Variants in NRXN3 observed in about 807,000 individuals in gnomAD.
NRXN3 encodes the protein neurexin III.
A neutral mutation model predicts 137.6 loss-of-function variants in NRXN3; 32 were observed. The observed-to-expected ratio is 0.23, with a 90% CI of 0.18 to 0.31. NRXN3 has a LOEUF of 0.31. Ranked by LOEUF, NRXN3 falls within the 10% of genes least tolerant of loss-of-function variation. The pLI is 1.00. For missense variants in NRXN3, 1,574 were observed against 2,062.5 expected (o/e 0.76, Z 4.59); for synonymous variants, 798 against 784.5 (o/e 1.02, Z -0.29).
chr14:78,271,177 A>G (rs189674093), intron 2 of NRXN3, among the ~76,000 whole-genome samples: 1 of 152,360 alleles, frequency 6.6e-6, no homozygotes, highest in Admixed American at 6.5e-5. Context: ...TTTAACATGT[A>G]TAGAACTGCT....
At chr14:78,807,144 G>C (rs1290602088) in intron 9 of NRXN3, among the ~76,000 whole-genome samples, 2 of 152,142 alleles carry the variant, frequency 1.3e-5, no homozygotes, top group South Asian at 4.1e-4. Context: ...AACACACACA[G>C]AGAGAATCTC....
chr14:78,369,137 C>T (rs75292402), intron 4 of NRXN3, among the ~76,000 whole-genome samples: 3 of 152,234 alleles, frequency 2.0e-5, no homozygotes, highest in East Asian at 3.9e-4. Flanking sequence ...CTAAGGTTTA[C>T]TCTATGAACC....
chr14:79,122,218 G>A (rs1297937601), intron 15 of NRXN3, among the ~76,000 whole-genome samples: 1 of 152,164 alleles, frequency 6.6e-6, no homozygotes, highest in African/African-American at 2.4e-5. Flanking sequence ...CCAGGGGCTT[G>A]GGGCACTGGT....
rs546825901 is a variant in NRXN3 at position 79,460,524 on chromosome 14, T to G, written c.3263-6697T>G. The stretch of plus-strand genomic sequence containing the variant: ...CTCTGCACACCAATTTGAGTTCCCA[T>G]GTTATCAAACAGATTTAATGCTAAA... On this transcript the variant is annotated intron_variant, in intron 15 of 20. Coordinates refer to ENST00000335750, the MANE Select transcript of NRXN3 (RefSeq NM_001330195.2). Among the ~76,000 whole-genome samples, 56 of 152,290 alleles carry G rather than the reference T, an allele frequency of 3.7e-4. No homozygotes were observed. The South Asian group carries it at 0.012, about 32-fold the overall frequency.
intron 15 of NRXN3, among the ~76,000 whole-genome samples, chr14:79,206,782 C>T (rs904130726): frequency 2.0e-5 from 3 of 151,960 alleles, no homozygotes; most frequent in African/African-American, 7.3e-5. Context: ...TTTAATTAAT[C>T]TTAATAGGCA....
Position 78,170,600 on chromosome 14 carries a change from T to A in NRXN3, c.-778T>A, listed in dbSNP as rs1259930323. 6.6e-6 allele frequency: 1 copy of A among 152,180 alleles called. No homozygotes were observed. Among genetic ancestry groups the A allele is most frequent in the African/African-American group, 2.4e-5 (1 of 41,416 alleles). The allele number at this position is 152,180 out of a possible 1,614,324, so 9.4% of individuals were successfully genotyped here. On this transcript the variant is annotated 5_prime_UTR_variant, in exon 1 of 21. Coordinates refer to ENST00000335750, the MANE Select transcript of NRXN3 (RefSeq NM_001330195.2). The stretch of plus-strand genomic sequence containing the variant: ...TTTGAACCTACCCAAAGAGGAAACA[T>A]ACCCAGCAAACTCAGTTGATTAAAC...
intron 15 of NRXN3, among the ~76,000 whole-genome samples, chr14:79,208,660 A>T (rs2153224185): frequency 6.6e-6 from 1 of 152,308 alleles, no homozygotes; most frequent in South Asian, 2.1e-4. Context: ...TATTGTATGA[A>T]ATAGCACAAC....
intron 10 of NRXN3, among the ~76,000 whole-genome samples, chr14:78,875,964 A>G (rs1164801080): frequency 6.6e-6 from 1 of 152,202 alleles, no homozygotes; most frequent in Non-Finnish European, 1.5e-5. Context: ...GAGGACAAGT[A>G]ACTCCTCTGG....
At chr14:79,758,909 G>A (rs556188821) in intron 19 of NRXN3, among the ~76,000 whole-genome samples, 4 of 152,296 alleles carry the variant, frequency 2.6e-5, no homozygotes, top group South Asian at 2.1e-4. Flanking sequence ...TAAACTGCAA[G>A]AGACTCAGCT....
rs887897223 is a variant in NRXN3 at position 79,236,323 on chromosome 14, G to T, written c.3263-230898G>T. On this transcript the variant is annotated intron_variant, in intron 15 of 20. Transcript: ENST00000335750. ...TATATAGGTAGGTATATATATATATGTATGTGTATTTATGTGTGTGTATAT... is the reference window on the plus strand; with the variant it reads ...TATATAGGTAGGTATATATATATATTTATGTGTATTTATGTGTGTGTATAT... Among the ~76,000 whole-genome samples, 59 of 152,046 alleles carry T rather than the reference G, an allele frequency of 3.9e-4. 1 individual carries two copies. Among genetic ancestry groups the T allele is most frequent in the Admixed American group, 3.5e-3 (53 of 15,242 alleles).
intron 20 of NRXN3, among the ~76,000 whole-genome samples, chr14:79,856,539 T>G (rs1037861727): frequency 6.6e-6 from 1 of 152,180 alleles, no homozygotes; most frequent in Non-Finnish European, 1.5e-5. Flanking sequence ...GCATCACTGT[T>G]TTGGTATTTT....
Position 78,709,198 on chromosome 14 carries a change from T to C in NRXN3, c.1222-19T>C, listed in dbSNP as rs753170731. 6.3e-7 allele frequency: 1 copy of C among 1,594,680 alleles called. No individual in the cohort carries two copies. The highest frequency in any genetic ancestry group is 2.2e-5 in the East Asian group (1 of 44,710). On this transcript the variant is annotated intron_variant, in intron 6 of 20. Coordinates refer to ENST00000335750, the MANE Select transcript of NRXN3 (RefSeq NM_001330195.2). ...TTGCAAGATTGATTCACATGGCACT[T>C]TTGTTTGGCTTTTGACAGGTTGTTT... is the stretch of plus-strand genomic sequence containing the variant.
intron 16 of NRXN3, among the ~76,000 whole-genome samples, chr14:79,614,203 C>T (rs1417099143): frequency 6.6e-6 from 1 of 152,162 alleles, no homozygotes. Flanking sequence ...AGATAGAACA[C>T]ACATATACAA....
intron 4 of NRXN3, among the ~76,000 whole-genome samples, chr14:78,453,370 G>A (rs1022648113): frequency 2.0e-5 from 3 of 152,206 alleles, no homozygotes; most frequent in Non-Finnish European, 2.9e-5. Context: ...TGCCTTGGGA[G>A]GAGAAAGGGT....
intron 15 of NRXN3, among the ~76,000 whole-genome samples, chr14:79,227,796 T>TC (rs2071300343): frequency 1.6e-5 from 1 of 61,436 alleles, no homozygotes. Flanking sequence ...CCTCCTCCCT[T>TC]CCTCCCTTCC....
intron 8 of NRXN3, among the ~76,000 whole-genome samples, chr14:78,756,754 A>G (rs1270644214): frequency 6.6e-6 from 1 of 152,208 alleles, no homozygotes; most frequent in Admixed American, 6.5e-5. Flanking sequence ...CTATACATAG[A>G]TACTGGTTCT....
intron 16 of NRXN3, among the ~76,000 whole-genome samples, chr14:79,485,677 A>G (rs1371752191): frequency 6.7e-6 from 1 of 150,300 alleles, no homozygotes; most frequent in African/African-American, 2.5e-5. Flanking sequence ...ATCATATTCC[A>G]GGTATTACTG....
rs201168575 is a variant in NRXN3, at chr14:79,604,218, TTTTCTTTGTTTTTTG to T, written c.3445-59548_3445-59534del. ...AACAATCCTATTTTCTAATTGGGGT[TTTTCTTTGTTTTTTG>T]TTTCTTTGTTTGTTTGTTTGAGATG... is the stretch of plus-strand genomic sequence containing the variant. On this transcript the variant is annotated intron_variant, in intron 16 of 20. Coordinates refer to ENST00000335750, the MANE Select transcript of NRXN3 (RefSeq NM_001330195.2). 0.012 allele frequency among the ~76,000 whole-genome samples: 1,785 copies of T among 151,860 alleles called. 109 individuals are homozygous for T. The East Asian group carries it at 0.2, about 17-fold the overall frequency.
chr14:78,725,897 A>G (rs1022377562), intron 8 of NRXN3, among the ~76,000 whole-genome samples: 1 of 152,224 alleles, frequency 6.6e-6, no homozygotes, highest in African/African-American at 2.4e-5. Context: ...TCTTTGCAAT[A>G]ACTACATAAG....
Sources: allele counts gnomAD v4.1 joint callset (sites outside exome capture counted in the v4.1 genomes callset), GRCh38; gene constraint gnomAD v4.1.1; transcripts MANE v1.5; gene names NCBI Gene and HGNC (gene_info 2026-07-23, HGNC 2026-07-21).